Variants in MEFV observed in about 807,000 individuals in gnomAD.
The protein encoded by MEFV is pyrin.
In MEFV, 60 loss-of-function variants were observed where a neutral mutation model predicts 62.5. The observed-to-expected ratio is 0.96, with a 90% confidence interval of 0.78 to 1.19. The LOEUF (loss-of-function observed/expected upper bound fraction) is 1.19. MEFV is among the 50% of genes most tolerant of loss of function. The probability of loss-of-function intolerance (pLI) is 0.00; values close to 1 mark genes in which losing one functional copy is unlikely to be tolerated. For synonymous variants in MEFV, 500 were observed against 415.2 expected, an observed-to-expected ratio of 1.20 and a Z score of -2.48; for missense variants, 1,169 against 1,004.5, an observed-to-expected ratio of 1.16 and a Z score of -2.21.
intron 5 of MEFV, 106 bp downstream of exon 5, chr16:3,246,910 A>T (rs997233198): frequency 2.7e-6 from 3 of 1,105,662 alleles, no homozygotes; most frequent in Non-Finnish European, 4.1e-6. Flanking sequence ...CCTAGGCCTT[A>T]GGGGCTTCAC....
chr16:3,247,130 A>G lies in MEFV; in HGVS notation c.1473T>C (p.Val491=). The G allele has an allele frequency of 6.2e-7, 1 of 1,614,200 alleles. No individual in the cohort carries two copies. Among genetic ancestry groups the G allele is most frequent in the Non-Finnish European group, 8.5e-7 (1 of 1,180,040 alleles). Residue 491 remains valine, a synonymous_variant, in exon 5 of 10, where the codon GTT becomes GTC. Coordinates refer to ENST00000219596, the MANE Select transcript of MEFV (RefSeq NM_000243.3). ...VASLEDVGQM[V]GQIRKAYDTR... Reference sequence around the variant, plus strand: ...TGTCATATGCCTTCCTGATCTGCCCAACCATCTGGCCCACGTCCTCCAGTG... The same window carrying G: ...TGTCATATGCCTTCCTGATCTGCCCGACCATCTGGCCCACGTCCTCCAGTG...
In MEFV at chr16:3,243,859, C is replaced by T; in HGVS notation, c.1792+1G>A. On this transcript the variant is annotated splice_donor_variant, in intron 9 of 9. Transcript: ENST00000219596. LOFTEE classifies it high-confidence loss of function. ...CCACTTGCCTTGATCTGGGCACTTA[C>T]CAGCATGTGCCTGAGCGCCAATCAG... 2 of 1,613,862 alleles carry T rather than the reference C, an allele frequency of 1.2e-6. No homozygotes were observed. Among genetic ancestry groups the T allele is most frequent in the Non-Finnish European group, 1.7e-6 (2 of 1,179,980 alleles).
At chr16:3,250,026 TAAAG>T (rs1959010280) in intron 2 of MEFV, among the ~76,000 whole-genome samples, 1 of 152,214 alleles carries the variant, frequency 6.6e-6, no homozygotes, top group Non-Finnish European at 1.5e-5. Flanking sequence ...GCATTTATCC[TAAAG>T]AAAGACCCAT....
intron 2 of MEFV, among the ~76,000 whole-genome samples, chr16:3,250,957 G>C (rs557928100): frequency 1.4e-5 from 2 of 147,262 alleles, no homozygotes; most frequent in East Asian, 2.1e-4. Context: ...CCGGGAGGCG[G>C]AGTTTGCAGT....
chr16:3,244,229 C>G, intron 8 of MEFV, 25 bp downstream of exon 8: 3 of 1,613,972 alleles, frequency 1.9e-6, no homozygotes, highest in Non-Finnish European at 2.5e-6. Flanking sequence ...CCCAGGCCAG[C>G]ACACACCATT....
At position 3,246,988 on chromosome 16, in the gene MEFV, C is replaced by A. The variant is rs367566971; in HGVS notation, c.1587+28G>T. ...GGCATCCTGATAGGCACAGGGGACC[C>A]AAGAAAGCCGGGCCCAGGCACACCC... On this transcript the variant is annotated intron_variant, in intron 5 of 9. Transcript: ENST00000219596. 8 of 1,609,080 alleles carry A rather than the reference C, an allele frequency of 5.0e-6. No individual in the cohort carries two copies. The Admixed American group carries it at 1.3e-4, about 27-fold the overall frequency.
In MEFV at chr16:3,254,169, T is replaced by C. The variant is rs763891956; in HGVS notation, c.899A>G (p.His300Arg). 3 of 1,614,202 alleles carry C rather than the reference T, an allele frequency of 1.9e-6. No individual in the cohort carries two copies. Among genetic ancestry groups the C allele is most frequent in the East Asian group, 4.5e-5 (2 of 44,888 alleles). ...AGAACACAATTTACCGGTGACCGAA[T>C]GTTCTGGATTTCCAGGGCCTTCCTT... The part of the protein sequence containing the change: ...DLKEGPGNPE[H>R]SVTGRPPDTA... The change falls in exon 2 of 10, where the codon CAT becomes CGT. Residue 300 changes from histidine to arginine, a missense_variant. By Grantham distance (29) the His-to-Arg change is conservative. Coordinates refer to ENST00000219596, the MANE Select transcript of MEFV (RefSeq NM_000243.3).
At chr16:3,256,199 C>A (rs1167720834) in intron 1 of MEFV, 112 bp downstream of exon 1, 2 of 1,301,504 alleles carry the variant, frequency 1.5e-6, no homozygotes, top group African/African-American at 1.5e-5. Context: ...TTTGGTAGAC[C>A]TGAGACTCCC....
intron 2 of MEFV, among the ~76,000 whole-genome samples, chr16:3,252,718 G>T (rs1390236731): frequency 6.6e-6 from 1 of 150,606 alleles, no homozygotes; most frequent in Non-Finnish European, 1.5e-5. Flanking sequence ...GCGGGGGATC[G>T]CTTGAGCCCA....
At chr16:3,255,706 T>A (rs1321297085) in intron 1 of MEFV, among the ~76,000 whole-genome samples, 1 of 152,086 alleles carries the variant, frequency 6.6e-6, no homozygotes, top group Non-Finnish European at 1.5e-5. Flanking sequence ...CCACCATGCC[T>A]AGCCTATATT....
In MEFV at chr16:3,242,987, C is replaced by G. The variant is rs1288818114; in HGVS notation, c.*154G>C. 3.8e-6 allele frequency: 3 copies of G among 797,806 alleles called. No homozygotes were observed. The African/African-American group carries it at 5.1e-5, about 14-fold the overall frequency. The allele number at this position is 797,806 out of a possible 1,614,324, so 49.4% of individuals were successfully genotyped here. On this transcript the variant is annotated 3_prime_UTR_variant, in exon 10 of 10. Transcript: ENST00000219596. ...TAACATGTTCGTTCCTAACTTACCTCTGCTATAATCGGGTAGGCTCCGTGG... is the reference window on the plus strand; with the variant it reads ...TAACATGTTCGTTCCTAACTTACCTGTGCTATAATCGGGTAGGCTCCGTGG...
At chr16:3,250,916 C>T (rs1196059767) in intron 2 of MEFV, among the ~76,000 whole-genome samples, 12 of 144,186 alleles carry the variant, frequency 8.3e-5, no homozygotes, top group African/African-American at 2.1e-4. Flanking sequence ...CCCAGCTACT[C>T]GGGAGGCTGA....
chr16:3,248,675 T>G, intron 4 of MEFV: 1 of 1,333,604 alleles, frequency 7.5e-7, no homozygotes, highest in Non-Finnish European at 9.8e-7. Flanking sequence ...TCTACCATCT[T>G]CTGGTGAGTA....
Position 3,243,947 on chromosome 16 carries a change from GC to G in MEFV, c.1760-56del, listed in dbSNP as rs746612121. Reference sequence around the variant, plus strand: ...ATCCTGAGCATTAGCATTAAGAGGGGCTAAATTACACTGTCCTGACAACAAG... The same window carrying G: ...ATCCTGAGCATTAGCATTAAGAGGGGTAAATTACACTGTCCTGACAACAAG... On this transcript the variant is annotated intron_variant, in intron 8 of 9. Coordinates refer to ENST00000219596, the MANE Select transcript of MEFV (RefSeq NM_000243.3). 2.5e-6 allele frequency: 4 copies of G among 1,607,686 alleles called. No individual in the cohort carries two copies. The African/African-American group carries it at 4.0e-5, about 16-fold the overall frequency.
chr16:3,248,773 G>C, intron 4 of MEFV, 136 bp downstream of exon 4: 1 of 1,578,414 alleles, frequency 6.3e-7, no homozygotes, highest in Non-Finnish European at 8.6e-7. Flanking sequence ...CTTGGCTGCT[G>C]GTTACCCTCT....
chr16:3,243,314 T>G lies in MEFV; in HGVS notation c.2173A>C (p.Arg725=). 1 of 1,614,224 alleles carries G rather than the reference T, an allele frequency of 6.2e-7. No homozygotes were observed. The highest frequency in any genetic ancestry group is 8.5e-7 in the Non-Finnish European group (1 of 1,180,046). ...PKRVGIFVDY[R]VGSISFYNVT... Reference sequence around the variant, plus strand: ...TTGTAAAAGGAGATGCTTCCAACTCTGTAGTCCACGAAGATGCCCACACGC... The same window carrying G: ...TTGTAAAAGGAGATGCTTCCAACTCGGTAGTCCACGAAGATGCCCACACGC... Residue 725 remains arginine (R), a synonymous_variant, in exon 10 of 10, where the codon AGA becomes CGA. Transcript: ENST00000219596.
intron 6 of MEFV, 36 bp downstream of exon 6, chr16:3,246,489 A>G (rs1596352241): frequency 6.2e-7 from 1 of 1,613,802 alleles, no homozygotes; most frequent in African/African-American, 1.3e-5. Context: ...GCTTTCTGCA[A>G]GACACCCCAG....
In MEFV at chr16:3,242,997, C is replaced by T. The variant is rs930885442; in HGVS notation, c.*144G>A. On this transcript the variant is annotated 3_prime_UTR_variant, in exon 10 of 10. Transcript: ENST00000219596. ...GTTCCTAACTTACCTCTGCTATAAT[C>T]GGGTAGGCTCCGTGGGCACAGTAAC... 1.7e-5 allele frequency: 15 copies of T among 883,214 alleles called. No homozygotes were observed. Among genetic ancestry groups the T allele is most frequent in the Admixed American group, 8.2e-5 (4 of 48,716 alleles). The allele number at this position is 883,214 out of a possible 1,614,324, so 54.7% of individuals were successfully genotyped here.
intron 2 of MEFV, among the ~76,000 whole-genome samples, chr16:3,252,943 C>G (rs1959058190): frequency 1.9e-5 from 2 of 105,274 alleles, no homozygotes; most frequent in Non-Finnish European, 3.6e-5. Context: ...GACTGAGACT[C>G]TGTCTCAAAA....
Sources: gnomAD v4.1 joint callset for allele counts (sites outside exome capture counted in the v4.1 genomes callset) on GRCh38, gnomAD v4.1.1 for gene constraint, MANE v1.5 for transcripts, NCBI Gene and HGNC (gene_info 2026-07-23, HGNC 2026-07-21) for gene names.